EYS: variants seen among roughly 807,000 people sequenced by gnomAD.
EYS encodes the protein protein eyes shut homolog.
EYS carries 250 observed loss-of-function variants against 282.1 expected under a neutral mutation model. The ratio of observed to expected loss-of-function variants is 0.89; its 90% confidence interval spans 0.80 to 0.98. The LOEUF (loss-of-function observed/expected upper bound fraction) is 0.98. EYS is among the 50% of genes least tolerant of loss of function. The probability of loss-of-function intolerance (pLI) is 0.00; values close to 1 mark genes in which losing one functional copy is unlikely to be tolerated. For synonymous variants in EYS, 1,355 were observed against 1,282.9 expected, an observed-to-expected ratio of 1.06 and a Z score of -1.20; for missense variants, 4,016 against 3,709.0, an observed-to-expected ratio of 1.08 and a Z score of -2.15.
At chr6:65,096,489 A>C (rs1157458199) in intron 12 of EYS, among the ~76,000 whole-genome samples, 2 of 150,986 alleles carry the variant, frequency 1.3e-5, no homozygotes, top group Admixed American at 6.6e-5. Context: ...AAATAGAAAA[A>C]AAAATTGTGA....
At chr6:65,481,041 T>G (rs1765589314) in intron 5 of EYS, among the ~76,000 whole-genome samples, 1 of 152,176 alleles carries the variant, frequency 6.6e-6, no homozygotes, top group Admixed American at 6.5e-5. Flanking sequence ...TATGGTGTTC[T>G]ACAACATTGT....
At chr6:64,542,548 A>G (rs1016804130) in intron 26 of EYS, among the ~76,000 whole-genome samples, 2 of 151,998 alleles carry the variant, frequency 1.3e-5, no homozygotes, top group Non-Finnish European at 2.9e-5. Context: ...TTGTTAACTT[A>G]TTTGGTCTAC....
chr6:64,799,009 C>A (rs886386757), intron 22 of EYS, among the ~76,000 whole-genome samples: 6 of 151,842 alleles, frequency 4.0e-5, no homozygotes, highest in East Asian at 1.9e-4. Flanking sequence ...CCAGATAAAC[C>A]TCTCCCAAAA....
At chr6:64,132,224 A>G (rs1312372390) in intron 31 of EYS, among the ~76,000 whole-genome samples, 1 of 152,104 alleles carries the variant, frequency 6.6e-6, no homozygotes, top group Non-Finnish European at 1.5e-5. Flanking sequence ...AAAAGGTTAT[A>G]TACATTTTTA....
At chr6:65,443,701 TATGTGCATATACACATATATACACATAC>T (rs1768531779) in intron 5 of EYS, among the ~76,000 whole-genome samples, 1 of 150,636 alleles carries the variant, frequency 6.6e-6, no homozygotes, top group Non-Finnish European at 1.5e-5. Flanking sequence ...TATATACACA[TATGTGCATATACACATATATACACATAC>T]GTGCATATAC....
Position 65,456,175 on chromosome 6 carries a change from G to A in EYS, c.862+34419C>T, listed in dbSNP as rs111508346. Among the ~76,000 whole-genome samples, 899 of 152,012 alleles carry A rather than the reference G, an allele frequency of 5.9e-3. 11 individuals are homozygous for A. Among genetic ancestry groups the A allele is most frequent in the East Asian group, 0.035 (182 of 5,160 alleles). ...CACAGTACACTAAAAAGAACAGGCC[G>A]GGCGAGGTAGCTCACACCCGTAACC... On this transcript the variant is annotated intron_variant, in intron 5 of 42. Transcript: ENST00000503581.
intron 11 of EYS, among the ~76,000 whole-genome samples, chr6:65,326,650 A>G (rs1267336548): frequency 6.6e-6 from 1 of 151,578 alleles, no homozygotes; most frequent in East Asian, 1.9e-4. Flanking sequence ...ATTTAGAATT[A>G]CCATATCTAA....
chr6:64,049,020 CAT>C (rs1415760697), intron 33 of EYS, among the ~76,000 whole-genome samples: 1 of 152,164 alleles, frequency 6.6e-6, no homozygotes, highest in Non-Finnish European at 1.5e-5. Flanking sequence ...CCAACTTCCT[CAT>C]ATGTCAATTT....
chr6:64,400,984 A>T (rs1404492499), intron 28 of EYS, among the ~76,000 whole-genome samples: 1 of 152,054 alleles, frequency 6.6e-6, no homozygotes, highest in Non-Finnish European at 1.5e-5. Flanking sequence ...AAGTTTATGT[A>T]TTCAGAGTAG....
chr6:65,278,239 T>C (rs1027018669), intron 12 of EYS, among the ~76,000 whole-genome samples: 17 of 91,384 alleles, frequency 1.9e-4, no homozygotes, highest in Middle Eastern at 0.011. Flanking sequence ...TGCATAATCA[T>C]GTGGGTCAAT....
At position 64,265,168 on chromosome 6, in the gene EYS, G is replaced by T. The variant is rs974585785; in HGVS notation, c.6192-34344C>A. On this transcript the variant is annotated intron_variant, in intron 30 of 42. Coordinates refer to ENST00000503581, the MANE Select transcript of EYS (RefSeq NM_001142800.2). ...TTTATTACCTCCGAAAATGTAAATG[G>T]TTTATGTCAAAGATTGATAACAGTA... is the stretch of plus-strand genomic sequence containing the variant. Among the ~76,000 whole-genome samples, 7 of 152,066 alleles carry T rather than the reference G, an allele frequency of 4.6e-5. No homozygotes were observed. The East Asian group carries it at 1.4e-3, about 29-fold the overall frequency.
intron 8 of EYS, among the ~76,000 whole-genome samples, chr6:65,355,148 T>C (rs142107498): frequency 6.6e-6 from 1 of 152,226 alleles, no homozygotes; most frequent in Non-Finnish European, 1.5e-5. Flanking sequence ...ATTGATAGGA[T>C]CCTGTAGAGT....
In EYS at chr6:65,179,312, C is replaced by T. The variant is rs150233047; in HGVS notation, c.2023+116551G>A. On this transcript the variant is annotated intron_variant, in intron 12 of 42. Coordinates refer to ENST00000503581, the MANE Select transcript of EYS (RefSeq NM_001142800.2). ...GAAAAGATCAACAAAATTGATAGACCTCTAGCAAGACTAATAAAGAAGAGA... is the reference window on the plus strand; with the variant it reads ...GAAAAGATCAACAAAATTGATAGACTTCTAGCAAGACTAATAAAGAAGAGA... Among the ~76,000 whole-genome samples, 363 of 151,546 alleles carry T rather than the reference C, an allele frequency of 2.4e-3. 2 individuals carry two copies. Among genetic ancestry groups the T allele is most frequent in the Middle Eastern group, 0.014 (4 of 292 alleles).
At chr6:65,587,807 AG>A (rs1765104881) in intron 2 of EYS, among the ~76,000 whole-genome samples, 1 of 152,142 alleles carries the variant, frequency 6.6e-6, no homozygotes, top group African/African-American at 2.4e-5. Context: ...TATTTTTAAA[AG>A]TTCAATGTAA....
At chr6:65,554,281 G>A (rs368402901) in intron 2 of EYS, among the ~76,000 whole-genome samples, 11 of 152,216 alleles carry the variant, frequency 7.2e-5, no homozygotes, top group African/African-American at 1.9e-4. Flanking sequence ...CAAAGATTTA[G>A]TATCCGCATG....
chr6:64,894,963 A>G (rs1382824734), intron 18 of EYS, among the ~76,000 whole-genome samples: 1 of 152,104 alleles, frequency 6.6e-6, no homozygotes, highest in Non-Finnish European at 1.5e-5. Flanking sequence ...AAGAGCTATT[A>G]TGGAGGAAAA....
rs1414731612 is a variant in EYS, at chr6:65,565,042, G to A, written c.-332-69049C>T. 1.8e-4 allele frequency among the ~76,000 whole-genome samples: 10 copies of A among 55,018 alleles called. 4 individuals are homozygous for A. The South Asian group carries it at 3.6e-3, about 20-fold the overall frequency. 36.1% of individuals were successfully genotyped at this position (55,018 alleles called of 152,430 possible). On this transcript the variant is annotated intron_variant, in intron 2 of 42. Transcript: ENST00000503581. ...GGGCGGATCACGAGGTCAGGAGATC[G>A]AGACCATCCCAGCTAAAACGGTGAA... is the stretch of plus-strand genomic sequence containing the variant.
chr6:63,958,707 G>T (rs915885324), intron 35 of EYS, among the ~76,000 whole-genome samples: 3 of 152,182 alleles, frequency 2.0e-5, no homozygotes, highest in African/African-American at 7.2e-5. Flanking sequence ...TCTCCTGTTA[G>T]AAAGTGATGC....
chr6:64,393,434 T>C (rs930295696), intron 28 of EYS, among the ~76,000 whole-genome samples: 2 of 152,192 alleles, frequency 1.3e-5, no homozygotes, highest in East Asian at 1.9e-4. Context: ...TTATCCACCA[T>C]GATCAAGTGG....
Sources: allele counts gnomAD v4.1 joint callset (sites outside exome capture counted in the v4.1 genomes callset), GRCh38; gene constraint gnomAD v4.1.1; transcripts MANE v1.5; gene names NCBI Gene and HGNC (gene_info 2026-07-23, HGNC 2026-07-21).